The following KIF3A variants were observed in gnomAD, a reference collection of about 807,000 sequenced individuals.
KIF3A encodes kinesin-like protein KIF3A.
In KIF3A, 27 loss-of-function variants were observed where a neutral mutation model predicts 92.6. The ratio of observed to expected loss-of-function variants is 0.29; its 90% CI spans 0.21 to 0.40. KIF3A has a LOEUF of 0.40. Among genes scored for constraint, KIF3A ranks in the 10% least tolerant of loss-of-function variants. The pLI is 1.00. For missense variants in KIF3A, 581 were observed against 872.6 expected, an observed-to-expected ratio of 0.67 and a Z score of 4.21; for synonymous variants, 250 against 275.4, an observed-to-expected ratio of 0.91 and a Z score of 0.92.
chr5:132,713,320 T>C (rs535872984), intron 8 of KIF3A, among the ~76,000 whole-genome samples: 2 of 152,300 alleles, frequency 1.3e-5, no homozygotes, highest in South Asian at 2.1e-4. Flanking sequence ...TTAATAAGAC[T>C]ATATCAATGT....
intron 18 of KIF3A, among the ~76,000 whole-genome samples, chr5:132,696,918 G>A (rs1022970232): frequency 6.6e-6 from 1 of 152,184 alleles, no homozygotes; most frequent in Non-Finnish European, 1.5e-5. Flanking sequence ...GATAGTGAAG[G>A]ATAGGACAGG....
chr5:132,696,034 A>T lies in KIF3A; in HGVS notation c.*600T>A, dbSNP rs1752823342. ...AAACATTTTCAACTTGTTAAAAAAC[A>T]TGTATACTCGCAAAGACTGTTAAAT... is the stretch of plus-strand genomic sequence containing the variant. On this transcript the variant is annotated 3_prime_UTR_variant, in exon 19 of 19. Transcript: ENST00000403231. 1 of 152,736 alleles carries T rather than the reference A, an allele frequency of 6.5e-6. No individual in the cohort carries two copies. The highest frequency in any genetic ancestry group is 1.5e-5 in the Non-Finnish European group (1 of 68,034). The allele number at this position is 152,736 out of a possible 1,614,324, so 9.5% of individuals were successfully genotyped here. A position where few individuals can be genotyped will look rare whatever the true frequency, so the allele number is the denominator to read the frequency against.
Position 132,737,411 on chromosome 5 carries a change from C to T in KIF3A, c.6+3G>A. On this transcript the variant is annotated splice_donor_region_variant and intron_variant, in intron 1 of 18. Transcript: ENST00000403231. ...ACCCCAGAAGCGAAGCGACTCTCCT[C>T]ACCGGCATCTTGGCCCCCTCCCGTG... The T allele has an allele frequency of 1.2e-6, 2 of 1,608,712 alleles. No homozygotes were observed. Among genetic ancestry groups the T allele is most frequent in the Non-Finnish European group, 1.7e-6 (2 of 1,177,892 alleles).
intron 4 of KIF3A, among the ~76,000 whole-genome samples, chr5:132,720,950 A>G (rs1449823043): frequency 6.6e-6 from 1 of 152,228 alleles, no homozygotes; most frequent in Non-Finnish European, 1.5e-5. Flanking sequence ...AGTACAGAAC[A>G]CTACTAAGCT....
intron 4 of KIF3A, chr5:132,723,695 C>T (rs917167780): frequency 2.0e-5 from 3 of 152,142 alleles, no homozygotes; most frequent in African/African-American, 4.8e-5. Context: ...ACCATGAAAA[C>T]CCTAGAAGAA....
intron 15 of KIF3A, among the ~76,000 whole-genome samples, chr5:132,701,216 G>A (rs1433568160): frequency 6.6e-6 from 1 of 151,640 alleles, no homozygotes; most frequent in East Asian, 1.9e-4. Flanking sequence ...TTAAAAAATT[G>A]GCCAGGCATG....
At chr5:132,700,600 G>C in intron 16 of KIF3A, 47 bp downstream of exon 16, 1 of 1,282,426 alleles carries the variant, frequency 7.8e-7, no homozygotes, top group Middle Eastern at 1.9e-4. Context: ...CTAGACCATA[G>C]GAAGTACTCT....
At position 132,693,943 on chromosome 5, in the gene KIF3A, T is replaced by G. The variant is rs1172353643; in HGVS notation, c.*2691A>C. Reference sequence around the variant, plus strand: ...TTGCAGTGAGCCGAGATCGCGCCACTGCACTCCAGCCTGGGCGACAGAGTA... The same window carrying G: ...TTGCAGTGAGCCGAGATCGCGCCACGGCACTCCAGCCTGGGCGACAGAGTA... On this transcript the variant is annotated 3_prime_UTR_variant, in exon 19 of 19. Coordinates refer to ENST00000403231, the MANE Select transcript of KIF3A (RefSeq NM_001300791.2). 1 of 150,356 alleles carries G rather than the reference T, an allele frequency of 6.7e-6. No individual in the cohort carries two copies. 9.3% of individuals were successfully genotyped at this position (150,356 alleles called of 1,614,324 possible). A position where few individuals can be genotyped will look rare whatever the true frequency, so the allele number is the denominator to read the frequency against.
intron 8 of KIF3A, among the ~76,000 whole-genome samples, chr5:132,712,062 A>G (rs1319047213): frequency 1.3e-5 from 2 of 152,358 alleles, no homozygotes; most frequent in African/African-American, 4.8e-5. Context: ...TGTACCTGTA[A>G]GTACAAGATG....
chr5:132,716,478 T>A (rs1340796124), intron 6 of KIF3A, 36 bp from the exon 7 acceptor site: 1 of 1,543,952 alleles, frequency 6.5e-7, no homozygotes, highest in East Asian at 2.2e-5. Context: ...AAGCTAAAAT[T>A]TTTTTAAAAA....
intron 8 of KIF3A, among the ~76,000 whole-genome samples, chr5:132,712,278 T>C (rs1266346116): frequency 1.3e-5 from 2 of 152,172 alleles, no homozygotes; most frequent in East Asian, 3.8e-4. Context: ...TAAAACCTTT[T>C]GTAGTGCCAA....
chr5:132,733,225 T>C (rs1359779682), intron 2 of KIF3A, among the ~76,000 whole-genome samples: 1 of 152,188 alleles, frequency 6.6e-6, no homozygotes, highest in African/African-American at 2.4e-5. Context: ...ATTGTAAATG[T>C]ACCTATGAAC....
rs1217931273 is a variant in KIF3A, at chr5:132,694,428, T to C, written c.*2206A>G. ...TGCTATAGTAGCCTGCTTTTAGAAC[T>C]TCTCAATTGACTTTTTATAGATCGG... On this transcript the variant is annotated 3_prime_UTR_variant, in exon 19 of 19. Transcript: ENST00000403231. 1 of 152,252 alleles carries C rather than the reference T, an allele frequency of 6.6e-6. No individual in the cohort carries two copies. The highest frequency in any genetic ancestry group is 1.5e-5 in the Non-Finnish European group (1 of 68,026). 9.4% of individuals were successfully genotyped at this position (152,252 alleles called of 1,614,324 possible). A position where few individuals can be genotyped will look rare whatever the true frequency, so the allele number is the denominator to read the frequency against.
rs1581082706 is a variant in KIF3A, at chr5:132,715,680, G to A, written c.1129+77C>T. The A allele has an allele frequency of 7.3e-6, 8 of 1,088,834 alleles. No individual in the cohort carries two copies. In the East Asian group the frequency reaches 2.0e-4, roughly 27 times the overall value. The allele number at this position is 1,088,834 out of a possible 1,614,324, so 67.4% of individuals were successfully genotyped here. On this transcript the variant is annotated intron_variant, in intron 8 of 18. Transcript: ENST00000403231. ...AGGCTCAAAAAAGGTTTAATAGAGG[G>A]CTTTTGTTAGAACAGTTAGTGGTTC...
intron 2 of KIF3A, among the ~76,000 whole-genome samples, chr5:132,730,474 GA>G (rs59421775): frequency 0.37 from 45,569 of 124,534 alleles, 9,702 homozygotes; most frequent in East Asian, 0.76. Context: ...CTCAAAAAAA[GA>G]AAAAAAAAAA....
rs1754037119 is a variant in KIF3A at position 132,726,479 on chromosome 5, T to C, written c.300A>G (p.Gly100=). 1 of 1,613,564 alleles carries C rather than the reference T, an allele frequency of 6.2e-7. No individual in the cohort carries two copies. Among genetic ancestry groups the C allele is most frequent in the Non-Finnish European group, 8.5e-7 (1 of 1,179,632 alleles). Residue 100 remains glycine, a synonymous_variant, in exon 3 of 19, where the codon GGA becomes GGG. Transcript: ENST00000403231. ...TAAAAGTTTTGCCTGTTCCGGTTTG[T>C]CCATATGCAAAAATAGTCCCTGAAA... is the stretch of plus-strand genomic sequence containing the variant. ...EGYNGTIFAY[G]QTGTGKTFTM...
In KIF3A at chr5:132,705,450, T is replaced by A. The variant is rs146392697; in HGVS notation, c.1309+1001A>T. 4.6e-3 allele frequency among the ~76,000 whole-genome samples: 695 copies of A among 152,092 alleles called. 5 individuals are homozygous for A. Among genetic ancestry groups the A allele is most frequent in the Middle Eastern group, 0.01 (3 of 292 alleles). On this transcript the variant is annotated intron_variant, in intron 11 of 18. Coordinates refer to ENST00000403231, the MANE Select transcript of KIF3A (RefSeq NM_001300791.2). ...GTACAGGCTTCAAGGGTTCTAATTG[T>A]TTCAATAGTTAAAAACAGTTTCAAA...
At chr5:132,702,769 A>G (rs558550046) in intron 13 of KIF3A, 101 bp from the exon 14 acceptor site, 1 of 1,306,590 alleles carries the variant, frequency 7.7e-7, no homozygotes, top group Non-Finnish European at 1.1e-6. Flanking sequence ...CTGATCTTCA[A>G]AGCAATCCAT....
At chr5:132,731,251 G>A (rs1754218562) in intron 2 of KIF3A, among the ~76,000 whole-genome samples, 1 of 152,110 alleles carries the variant, frequency 6.6e-6, no homozygotes, top group East Asian at 1.9e-4. Flanking sequence ...CATCCCTCAT[G>A]AACATGGATG....
Sources: allele counts gnomAD v4.1 joint callset (sites outside exome capture counted in the v4.1 genomes callset), GRCh38; gene constraint gnomAD v4.1.1; transcripts MANE v1.5; gene names NCBI Gene and HGNC (gene_info 2026-07-23, HGNC 2026-07-21).